The following FNDC3B variants were observed in gnomAD, a reference collection of about 807,000 sequenced individuals.
FNDC3B encodes fibronectin type III domain containing 3B.
FNDC3B carries 12 observed loss-of-function variants against 151.5 expected under a neutral mutation model. The ratio of observed to expected loss-of-function variants is 0.08; its 90% CI spans 0.05 to 0.13. The LOEUF (loss-of-function observed/expected upper bound fraction) is 0.13. Ranked by LOEUF, FNDC3B falls within the 10% of genes least tolerant of loss-of-function variation. The pLI is 1.00. For synonymous variants in FNDC3B, 528 were observed against 549.0 expected, an observed-to-expected ratio of 0.96 and a Z score of 0.54; for missense variants, 1,214 against 1,505.3, an observed-to-expected ratio of 0.81 and a Z score of 3.20.
intron 16 of FNDC3B, among the ~76,000 whole-genome samples, chr3:172,340,580 G>A (rs974635795): frequency 6.6e-6 from 1 of 152,028 alleles, no homozygotes; most frequent in African/African-American, 2.4e-5. Context: ...GCCACCGCCT[G>A]TAATTTTTGT....
chr3:172,245,925 T>C (rs574546553), intron 4 of FNDC3B, among the ~76,000 whole-genome samples: 1 of 152,310 alleles, frequency 6.6e-6, no homozygotes, highest in East Asian at 1.9e-4. Flanking sequence ...ATGTAAAGAT[T>C]TCTGTTTTTT....
intron 2 of FNDC3B, among the ~76,000 whole-genome samples, chr3:172,127,404 C>A (rs1720855184): frequency 6.6e-6 from 1 of 152,196 alleles, no homozygotes; most frequent in South Asian, 2.1e-4. Context: ...TTTGGTCAGA[C>A]ATGGCTGGAT....
chr3:172,360,043 T>C (rs1281500662), intron 22 of FNDC3B, among the ~76,000 whole-genome samples: 1 of 152,232 alleles, frequency 6.6e-6, no homozygotes, highest in African/African-American at 2.4e-5. Context: ...TGCTGGGTCA[T>C]GTAATAAGTA....
At chr3:172,065,574 T>G (rs1196672270) in intron 1 of FNDC3B, among the ~76,000 whole-genome samples, 1 of 152,242 alleles carries the variant, frequency 6.6e-6, no homozygotes, top group East Asian at 1.9e-4. Flanking sequence ...TTGGAAGCAC[T>G]TTGTTTTTAC....
At chr3:172,263,259 T>C (rs943798984) in intron 6 of FNDC3B, among the ~76,000 whole-genome samples, 1 of 152,006 alleles carries the variant, frequency 6.6e-6, no homozygotes, top group African/African-American at 2.4e-5. Context: ...TTCTCTTAAT[T>C]CACATGGTGA....
At chr3:172,099,861 T>G (rs1475557581) in intron 1 of FNDC3B, among the ~76,000 whole-genome samples, 1 of 152,220 alleles carries the variant, frequency 6.6e-6, no homozygotes, top group African/African-American at 2.4e-5. Context: ...AATCTGTTTT[T>G]TTTATGTTTT....
chr3:172,370,864 A>G (rs1335282968), intron 23 of FNDC3B, among the ~76,000 whole-genome samples: 1 of 152,134 alleles, frequency 6.6e-6, no homozygotes, highest in East Asian at 1.9e-4. Flanking sequence ...TATCCCACCT[A>G]CCCCAACACA....
At chr3:172,257,587 C>T (rs1728418734) in intron 6 of FNDC3B, among the ~76,000 whole-genome samples, 1 of 151,596 alleles carries the variant, frequency 6.6e-6, no homozygotes. Flanking sequence ...CACACACACA[C>T]ACACACACAC....
chr3:172,330,672 A>T lies in FNDC3B; in HGVS notation c.1511A>T (p.Glu504Val). Residue 504 changes from glutamate to valine, a missense_variant, in exon 13 of 26, where the codon GAG becomes GTG. Glu to Val is a moderately radical substitution (Grantham distance 121). Coordinates refer to ENST00000415807, the MANE Select transcript of FNDC3B (RefSeq NM_022763.4). ...QWSKPEGCSPEEVITYTLEIQ... is the reference protein window; with the variant it reads ...QWSKPEGCSPVEVITYTLEIQ... ...AGTAAGCCAGAAGGCTGTTCACCCG[A>T]GGAAGTGATCACCTACACCTTGGAA... The T allele has an allele frequency of 1.2e-6, 2 of 1,614,152 alleles. No individual in the cohort carries two copies. Among genetic ancestry groups the T allele is most frequent in the Non-Finnish European group, 1.7e-6 (2 of 1,180,008 alleles).
At chr3:172,196,117 C>T (rs1295462899) in intron 3 of FNDC3B, among the ~76,000 whole-genome samples, 1 of 152,144 alleles carries the variant, frequency 6.6e-6, no homozygotes, top group African/African-American at 2.4e-5. Flanking sequence ...GCCACCCACA[C>T]TAAAGCTTTT....
chr3:172,316,435 A>T, intron 11 of FNDC3B: 1 of 455,904 alleles, frequency 2.2e-6, no homozygotes, highest in Non-Finnish European at 4.4e-6. Flanking sequence ...AAAACTAGGA[A>T]CCTCTGGGTT....
chr3:172,253,312 T>G (rs554770437), intron 6 of FNDC3B, among the ~76,000 whole-genome samples: 3 of 152,346 alleles, frequency 2.0e-5, no homozygotes, highest in African/African-American at 7.2e-5. Context: ...GAGCCATATA[T>G]TTTGTTTTCA....
At chr3:172,395,614 A>C (rs1244822367) in intron 25 of FNDC3B, among the ~76,000 whole-genome samples, 5 of 151,826 alleles carry the variant, frequency 3.3e-5, no homozygotes, top group Admixed American at 1.3e-4. Context: ...GGCTACATCC[A>C]AAAAAAATTC....
chr3:172,240,597 C>T (rs911018725), intron 4 of FNDC3B, among the ~76,000 whole-genome samples: 1 of 152,142 alleles, frequency 6.6e-6, no homozygotes, highest in Non-Finnish European at 1.5e-5. Flanking sequence ...CTTTGATGTA[C>T]ACACCAGTAT....
chr3:172,072,671 A>G (rs1394997927), intron 1 of FNDC3B, among the ~76,000 whole-genome samples: 1 of 152,192 alleles, frequency 6.6e-6, no homozygotes, highest in Non-Finnish European at 1.5e-5. Context: ...TTCTTGGTCA[A>G]GCTTAACATT....
At chr3:172,157,496 A>G (rs898416558) in intron 3 of FNDC3B, among the ~76,000 whole-genome samples, 1 of 152,214 alleles carries the variant, frequency 6.6e-6, no homozygotes, top group African/African-American at 2.4e-5. Context: ...TAATTAAAAT[A>G]TGGAGTGGTT....
At chr3:172,370,070 GTTAT>G (rs891742149) in intron 23 of FNDC3B, among the ~76,000 whole-genome samples, 10 of 152,190 alleles carry the variant, frequency 6.6e-5, no homozygotes, top group African/African-American at 2.4e-4. Context: ...TAGACTACAG[GTTAT>G]TTTAGGTCAG....
At chr3:172,187,997 T>G (rs147492101) in intron 3 of FNDC3B, among the ~76,000 whole-genome samples, 1 of 125,746 alleles carries the variant, frequency 8.0e-6, no homozygotes, top group Non-Finnish European at 1.7e-5. Context: ...ATTTAAGCAG[T>G]TTTTTTTTTT....
intron 9 of FNDC3B, chr3:172,302,748 G>A (rs1379491624): frequency 6.6e-6 from 1 of 151,948 alleles, no homozygotes; most frequent in Admixed American, 6.6e-5. Flanking sequence ...TATTTCAAAG[G>A]AATCCATTTG....
Sources: gnomAD v4.1 joint callset for allele counts (sites outside exome capture counted in the v4.1 genomes callset) on GRCh38, gnomAD v4.1.1 for gene constraint, MANE v1.5 for transcripts, NCBI Gene and HGNC (gene_info 2026-07-23, HGNC 2026-07-21) for gene names.